PCNX2: variants seen among roughly 807,000 people sequenced by gnomAD.
PCNX2 encodes the protein pecanex-like protein 2.
Under a neutral mutation model 223.8 loss-of-function variants are expected in PCNX2, and 168 were observed. That is an observed-to-expected ratio of 0.75 (90% CI 0.66 to 0.85). PCNX2 has a LOEUF of 0.85. PCNX2 is among the 40% of genes least tolerant of loss of function. PCNX2 has a pLI of 0.00. For missense variants in PCNX2, 2,507 were observed against 2,675.5 expected (o/e 0.94, Z 1.39); for synonymous variants, 1,006 against 1,052.6 (o/e 0.96, Z 0.86).
Position 232,984,240 on chromosome 1 carries a change from C to T in PCNX2, c.*64G>A, listed in dbSNP as rs1448879481. ...GTTGGTTGTGGTGATTTGGGGAGCA[C>T]GAGGGAGAGCAATGCAGGTGGGAGG... On this transcript the variant is annotated 3_prime_UTR_variant, in exon 34 of 34. Transcript: ENST00000258229. The T allele has an allele frequency of 7.6e-6, 11 of 1,444,424 alleles. No individual in the cohort carries two copies. Among genetic ancestry groups the T allele is most frequent in the African/African-American group, 2.9e-5 (2 of 69,150 alleles). 89.5% of individuals were successfully genotyped at this position (1,444,424 alleles called of 1,614,324 possible).
chr1:233,289,374 T>A, intron 1 of PCNX2: 2 of 1,266,030 alleles, frequency 1.6e-6, no homozygotes, highest in Non-Finnish European at 2.3e-6. Flanking sequence ...CAGAAGAGCC[T>A]GGGAGATGCG....
intron 10 of PCNX2, among the ~76,000 whole-genome samples, chr1:233,222,291 C>CT (rs1657429683): frequency 6.6e-6 from 1 of 152,118 alleles, no homozygotes. Flanking sequence ...GCATGGGGGA[C>CT]TTGAGGGCAT....
intron 25 of PCNX2, among the ~76,000 whole-genome samples, chr1:233,032,501 G>A (rs191432714): frequency 1.1e-3 from 165 of 152,220 alleles, no homozygotes; most frequent in East Asian, 9.3e-3. Flanking sequence ...CCTCAAAAAT[G>A]TGAGTTTCAT....
chr1:233,152,123 AG>A (rs772834187), intron 19 of PCNX2, among the ~76,000 whole-genome samples: 6 of 152,216 alleles, frequency 3.9e-5, no homozygotes, highest in Non-Finnish European at 1.5e-5. Flanking sequence ...AGTGCCTGGC[AG>A]GGAGGAAGGG....
chr1:233,090,280 T>G, intron 22 of PCNX2, 90 bp from the exon 23 acceptor site: 1 of 1,429,388 alleles, frequency 7.0e-7, no homozygotes, highest in Admixed American at 2.3e-5. Context: ...TTCACTAAAG[T>G]CATTTTTTCC....
At chr1:233,134,365 T>C (rs577528252) in intron 21 of PCNX2, among the ~76,000 whole-genome samples, 10 of 152,192 alleles carry the variant, frequency 6.6e-5, no homozygotes, top group Non-Finnish European at 1.2e-4. Flanking sequence ...TAATTAAACA[T>C]TAGATACGAG....
At chr1:233,311,819 A>G in the PCNX2 span, among the ~76,000 whole-genome samples, 6 of 152,198 alleles carry the variant, frequency 3.9e-5, no homozygotes, top group African/African-American at 1.4e-4. Context: ...AAAAACAAAT[A>G]GAACTTAAAA....
intron 1 of PCNX2, among the ~76,000 whole-genome samples, chr1:233,284,213 T>C (rs1661333225): frequency 6.6e-6 from 1 of 152,210 alleles, no homozygotes; most frequent in African/African-American, 2.4e-5. Context: ...AATACCATCA[T>C]ATGAATAACT....
At chr1:233,104,802 T>C (rs1238526570) in intron 21 of PCNX2, among the ~76,000 whole-genome samples, 1 of 146,810 alleles carries the variant, frequency 6.8e-6, no homozygotes, top group Non-Finnish European at 1.5e-5. Context: ...ATTAATATCA[T>C]GCACAGTTTT....
chr1:233,230,432 C>G (rs1657995949), intron 9 of PCNX2, among the ~76,000 whole-genome samples: 2 of 151,984 alleles, frequency 1.3e-5, no homozygotes, highest in Non-Finnish European at 1.5e-5. Context: ...CATGGACAAA[C>G]TGACAAAAAA....
In PCNX2 at chr1:233,295,590, T is replaced by TCGCCGC; in HGVS notation, c.-118_-113dup. On this transcript the variant is annotated 5_prime_UTR_variant, in exon 1 of 34. Coordinates refer to ENST00000258229, the MANE Select transcript of PCNX2 (RefSeq NM_014801.4). The surrounding 1 kb of genome is among the most constrained non-coding windows in gnomAD (Gnocchi z 4.1). ...GGGCCCGCGGGCCGCGCCCCCGCCG[T>TCGCCGC]CGCCGCCGCCGTCGCCCCCGCCGCC... The TCGCCGC allele has an allele frequency of 2.6e-6, 3 of 1,166,480 alleles. No individual in the cohort carries two copies. The highest frequency in any genetic ancestry group is 3.3e-6 in the Non-Finnish European group (3 of 915,842). The allele number at this position is 1,166,480 out of a possible 1,614,324, so 72.3% of individuals were successfully genotyped here.
chr1:233,250,161 T>G (rs1269604985), intron 8 of PCNX2, among the ~76,000 whole-genome samples: 1 of 152,226 alleles, frequency 6.6e-6, no homozygotes, highest in East Asian at 1.9e-4. Context: ...AAGCCCAGGA[T>G]GAAGGATGAA....
chr1:233,093,223 A>T (rs1212147105), intron 22 of PCNX2, among the ~76,000 whole-genome samples: 1 of 152,230 alleles, frequency 6.6e-6, no homozygotes, highest in Non-Finnish European at 1.5e-5. Context: ...ATTTCTAATT[A>T]TTAGAAGACA....
intron 13 of PCNX2, among the ~76,000 whole-genome samples, chr1:233,200,658 G>A (rs941573998): frequency 2.6e-5 from 4 of 151,888 alleles, no homozygotes; most frequent in Admixed American, 1.3e-4. Flanking sequence ...CAGTTTGAAA[G>A]AGTAGACTTG....
At position 233,258,152 on chromosome 1, in the gene PCNX2, C is replaced by T. The variant is rs772656694; in HGVS notation, c.1710G>A (p.Met570Ile). 7.4e-6 allele frequency: 12 copies of T among 1,613,952 alleles called. No homozygotes were observed. In the Admixed American group the frequency reaches 1.5e-4, roughly 20 times the overall value. Residue 570 changes from methionine to isoleucine, a missense_variant, in exon 5 of 34, where the codon ATG (methionine) becomes ATA (isoleucine). Physicochemically the swap from Met to Ile is conservative, Grantham distance 10. This residue lies in a region of PCNX2 where 1,031 missense variants were observed against 1,021.7 expected (regional missense o/e 1.01). Coordinates refer to ENST00000258229, the MANE Select transcript of PCNX2 (RefSeq NM_014801.4). The stretch of plus-strand genomic sequence containing the variant: ...ATTCCAGGAAGTTGGACTCATTTGG[C>T]ATTTGTCCTTCCTTAGCCTCTAGGT... ...KSDLEAKEGQ[M>I]PNESNFLEFV...
At chr1:233,319,560 A>G in the PCNX2 span, among the ~76,000 whole-genome samples, 1 of 152,176 alleles carries the variant, frequency 6.6e-6, no homozygotes, top group Admixed American at 6.5e-5. Flanking sequence ...TCGTAGTCTC[A>G]TTTGCCTTTA....
chr1:233,193,659 C>T (rs1462224222), intron 15 of PCNX2, among the ~76,000 whole-genome samples: 5 of 152,066 alleles, frequency 3.3e-5, no homozygotes, highest in African/African-American at 1.2e-4. Flanking sequence ...TTTAAAATGA[C>T]TATGATTAAT....
At chr1:233,316,440 T>C in the PCNX2 span, among the ~76,000 whole-genome samples, 1 of 152,200 alleles carries the variant, frequency 6.6e-6, no homozygotes, top group Non-Finnish European at 1.5e-5. Context: ...GTCACTAAAC[T>C]GAAGCTCAAG....
At chr1:233,278,914 A>G (rs1009625442) in intron 1 of PCNX2, among the ~76,000 whole-genome samples, 2 of 152,148 alleles carry the variant, frequency 1.3e-5, no homozygotes, top group Non-Finnish European at 2.9e-5. Context: ...CTGGGGCTCA[A>G]ATTGAACATA....
Sources: allele counts gnomAD v4.1 joint callset (sites outside exome capture counted in the v4.1 genomes callset), GRCh38; gene constraint gnomAD v4.1.1; regional missense constraint gnomAD v4.1.1; non-coding constraint Gnocchi (gnomAD v3.1); transcripts MANE v1.5; gene names NCBI Gene and HGNC (gene_info 2026-07-23, HGNC 2026-07-21).